Variants in GPATCH2L observed in about 807,000 individuals in gnomAD.
GPATCH2L encodes G patch domain-containing protein 2-like.
GPATCH2L carries 31 observed loss-of-function variants against 57.4 expected under a neutral mutation model. The observed-to-expected ratio is 0.54, with a 90% CI of 0.41 to 0.73. The LOEUF is 0.73. Ranked by LOEUF, GPATCH2L falls within the 30% of genes least tolerant of loss-of-function variation. The probability of loss-of-function intolerance (pLI) is 0.00; values close to 1 mark genes in which losing one functional copy is unlikely to be tolerated. For missense variants in GPATCH2L, 481 were observed against 599.9 expected, an observed-to-expected ratio of 0.80 and a Z score of 2.07; for synonymous variants, 199 against 210.7, an observed-to-expected ratio of 0.94 and a Z score of 0.48.
intron 8 of GPATCH2L, among the ~76,000 whole-genome samples, chr14:76,190,868 C>T (rs1286398603): frequency 2.0e-5 from 3 of 152,122 alleles, no homozygotes; most frequent in African/African-American, 7.2e-5. Context: ...GTAAAAGCTC[C>T]TTATATAATT....
At chr14:76,160,481 G>A (rs962678769) in intron 2 of GPATCH2L, among the ~76,000 whole-genome samples, 3 of 152,200 alleles carry the variant, frequency 2.0e-5, no homozygotes, top group Non-Finnish European at 4.4e-5. Flanking sequence ...AAGTCTGTGA[G>A]TATGTAAATA....
At chr14:76,231,252 G>A (rs1328753082) in intron 2 of GPATCH2L, among the ~76,000 whole-genome samples, 2 of 152,134 alleles carry the variant, frequency 1.3e-5, no homozygotes, top group African/African-American at 2.4e-5. Context: ...TACTGACCGG[G>A]GAGTGATTCA....
chr14:76,229,083 C>T (rs940529279), intron 1 of GPATCH2L, among the ~76,000 whole-genome samples: 6 of 152,210 alleles, frequency 3.9e-5, no homozygotes, highest in African/African-American at 1.4e-4. Flanking sequence ...CACAGGGCTG[C>T]AGCCCACAGC....
intron 1 of GPATCH2L, among the ~76,000 whole-genome samples, chr14:76,227,074 C>T (rs2040539145): frequency 6.6e-6 from 1 of 152,218 alleles, no homozygotes; most frequent in South Asian, 2.1e-4. Context: ...AAGTATTGCA[C>T]AGGGTGCCTC....
chr14:76,173,468 G>A (rs2039177911), intron 4 of GPATCH2L, 78 bp from the exon 5 acceptor site: 1 of 840,238 alleles, frequency 1.2e-6, no homozygotes, highest in Non-Finnish European at 1.9e-6. Flanking sequence ...TGGGGGTAAA[G>A]CCTTCAGTGT....
Position 76,201,883 on chromosome 14 carries a change from G to A in GPATCH2L, c.*32G>A. ...GGACTTCACCCTCCAGGAGCTGACT[G>A]GGTGTTGCTGAAGCAAATGTTGGAC... On this transcript the variant is annotated 3_prime_UTR_variant, in exon 10 of 10. Coordinates refer to ENST00000261530, the MANE Select transcript of GPATCH2L (RefSeq NM_017926.4). 6.3e-7 allele frequency: 1 copy of A among 1,590,762 alleles called. No individual in the cohort carries two copies. The highest frequency in any genetic ancestry group is 8.6e-7 in the Non-Finnish European group (1 of 1,166,138).
chr14:76,229,786 C>A (rs1280443637), intron 1 of GPATCH2L: 1 of 152,176 alleles, frequency 6.6e-6, no homozygotes, highest in African/African-American at 2.4e-5. Flanking sequence ...ACTCACTGTC[C>A]TGAACTTTCA....
intron 9 of GPATCH2L, among the ~76,000 whole-genome samples, chr14:76,200,295 T>C (rs1334933330): frequency 6.6e-6 from 1 of 152,212 alleles, no homozygotes. Flanking sequence ...GCGACTGAAC[T>C]GTACAGTTAA....
At chr14:76,195,234 C>T (rs2040110409) in intron 8 of GPATCH2L, among the ~76,000 whole-genome samples, 1 of 152,188 alleles carries the variant, frequency 6.6e-6, no homozygotes, top group African/African-American at 2.4e-5. Flanking sequence ...ACTAAAATAG[C>T]ATACCACGTA....
intron 1 of GPATCH2L, among the ~76,000 whole-genome samples, chr14:76,224,999 TCTG>T (rs1459117854): frequency 5.3e-5 from 8 of 152,146 alleles, no homozygotes; most frequent in African/African-American, 1.9e-4. Flanking sequence ...AATGGAGAGA[TCTG>T]CTGTATTCAT....
chr14:76,165,834 T>G (rs1357902514), intron 2 of GPATCH2L, among the ~76,000 whole-genome samples: 1 of 152,234 alleles, frequency 6.6e-6, no homozygotes, highest in African/African-American at 2.4e-5. Context: ...TGAAAATGCT[T>G]CTTCCTTGCT....
At chr14:76,153,713 G>C (rs1163405389) in intron 1 of GPATCH2L, 1 of 152,218 alleles carries the variant, frequency 6.6e-6, no homozygotes, top group Non-Finnish European at 1.5e-5. Flanking sequence ...CGCAAACTTA[G>C]TCTCTTCTCC....
intron 9 of GPATCH2L, among the ~76,000 whole-genome samples, chr14:76,197,833 T>C (rs144516650): frequency 2.0e-5 from 3 of 152,328 alleles, no homozygotes; most frequent in African/African-American, 7.2e-5. Flanking sequence ...TCATTCTTTA[T>C]AGGATTTTCC....
intron 2 of GPATCH2L, chr14:76,230,500 A>G (rs2040556080): frequency 6.6e-6 from 1 of 152,052 alleles, no homozygotes; most frequent in South Asian, 2.1e-4. Flanking sequence ...CATACCTGCA[A>G]GCCTCTGGGT....
At chr14:76,233,375 G>A (rs528679843) in intron 2 of GPATCH2L, among the ~76,000 whole-genome samples, 1 of 152,280 alleles carries the variant, frequency 6.6e-6, no homozygotes, top group East Asian at 1.9e-4. Flanking sequence ...TAGATACAAA[G>A]TGGTGGTTTC....
intron 1 of GPATCH2L, among the ~76,000 whole-genome samples, chr14:76,221,353 G>A (rs1006589444): frequency 2.0e-5 from 3 of 152,140 alleles, no homozygotes; most frequent in Admixed American, 6.5e-5. Context: ...ACCAAATGCT[G>A]GTGAGCATGT....
Position 76,208,183 on chromosome 14 carries a change from TC to T in GPATCH2L, c.*6335del, listed in dbSNP as rs2040400129. 6.6e-6 allele frequency: 1 copy of T among 152,338 alleles called. No homozygotes were observed. Among genetic ancestry groups the T allele is most frequent in the South Asian group, 2.1e-4 (1 of 4,826 alleles). The allele number at this position is 152,338 out of a possible 1,614,324, so 9.4% of individuals were successfully genotyped here. On this transcript the variant is annotated 3_prime_UTR_variant, in exon 10 of 10. Coordinates refer to ENST00000261530, the MANE Select transcript of GPATCH2L (RefSeq NM_017926.4). The stretch of plus-strand genomic sequence containing the variant: ...AAATTATATAAGTTAATGTTTTCTT[TC>T]CCTAAAAGTTCTGACCCTTGCTGAC...
exon 2 of GPATCH2L, chr14:76,229,826 C>T (rs1428747205): frequency 6.6e-6 from 1 of 152,164 alleles, no homozygotes; most frequent in Non-Finnish European, 1.5e-5. Flanking sequence ...AGGACAGCCC[C>T]CCTGCCCTGA....
In GPATCH2L at chr14:76,213,778, A is replaced by C. The variant is rs1824413616; in HGVS notation, c.*11927A>C. ...CTTCTCTCAGCTTCTTCTAATGTTA[A>C]CTTACATACCAATGGTACAATTATT... On this transcript the variant is annotated 3_prime_UTR_variant, in exon 10 of 10. Coordinates refer to ENST00000261530, the MANE Select transcript of GPATCH2L (RefSeq NM_017926.4). 6.6e-6 allele frequency: 1 copy of C among 152,200 alleles called. No homozygotes were observed. Among genetic ancestry groups the C allele is most frequent in the Non-Finnish European group, 1.5e-5 (1 of 68,032 alleles). The allele number at this position is 152,200 out of a possible 1,614,324, so 9.4% of individuals were successfully genotyped here.
Sources: gnomAD v4.1 joint callset for allele counts (sites outside exome capture counted in the v4.1 genomes callset) on GRCh38, gnomAD v4.1.1 for gene constraint, MANE v1.5 for transcripts, NCBI Gene and HGNC (gene_info 2026-07-23, HGNC 2026-07-21) for gene names.